VRK2: variants seen among roughly 807,000 people sequenced by gnomAD.
VRK2 encodes the protein VRK serine/threonine kinase 2.
Under a neutral mutation model 57.6 loss-of-function variants are expected in VRK2, and 60 were observed. The ratio of observed to expected loss-of-function variants is 1.04; its 90% CI spans 0.85 to 1.29. VRK2 has a LOEUF of 1.29. VRK2 is among the 50% of genes most tolerant of loss of function. The pLI is 0.00. For missense variants in VRK2, 705 were observed against 588.1 expected (o/e 1.20, Z -2.06); for synonymous variants, 231 against 199.2 (o/e 1.16, Z -1.35).
chr2:57,912,963 T>C (rs1245593774), intron 1 of VRK2, among the ~76,000 whole-genome samples: 2 of 152,168 alleles, frequency 1.3e-5, no homozygotes, highest in East Asian at 1.9e-4. Flanking sequence ...CTTTCCACCA[T>C]GTGAGGACAC....
chr2:58,062,742 A>G (rs1677535660), intron 2 of VRK2, among the ~76,000 whole-genome samples: 1 of 152,062 alleles, frequency 6.6e-6, no homozygotes, highest in Non-Finnish European at 1.5e-5. Flanking sequence ...AAGCTAGCAA[A>G]GGTTGGTTCA....
chr2:58,016,393 C>T (rs373628842), intron 1 of VRK2, among the ~76,000 whole-genome samples: 25 of 151,280 alleles, frequency 1.7e-4, no homozygotes, highest in Non-Finnish European at 2.6e-4. Flanking sequence ...GTCTCCCAGG[C>T]GGGAATGCAG....
Position 58,105,475 on chromosome 2 carries a change from G to A in VRK2, c.543+15752G>A, listed in dbSNP as rs1029010728. On this transcript the variant is annotated intron_variant, in intron 7 of 12. Coordinates refer to ENST00000340157, the MANE Select transcript of VRK2 (RefSeq NM_006296.7). ...CAACATCACTAATCATCAGAGAAAT[G>A]CAAATTAAAACCAACTGAGATATCA... 7.9e-5 allele frequency among the ~76,000 whole-genome samples: 12 copies of A among 151,984 alleles called. No homozygotes were observed. In the East Asian group the frequency reaches 1.4e-3, roughly 17 times the overall value.
chr2:58,039,642 G>A (rs1312532725), intron 3 of VRK2, among the ~76,000 whole-genome samples: 3 of 152,078 alleles, frequency 2.0e-5, no homozygotes, highest in Non-Finnish European at 4.4e-5. Flanking sequence ...CTGATGACTG[G>A]AGAGGGGGAA....
chr2:57,971,939 T>C (rs1004377932), intron 1 of VRK2, among the ~76,000 whole-genome samples: 3 of 151,932 alleles, frequency 2.0e-5, no homozygotes, highest in Non-Finnish European at 2.9e-5. Flanking sequence ...ATTTCATGTA[T>C]CCAACTCATT....
At chr2:57,984,401 A>C (rs1672529771) in intron 1 of VRK2, among the ~76,000 whole-genome samples, 1 of 152,154 alleles carries the variant, frequency 6.6e-6, no homozygotes. Flanking sequence ...CTCAGTGACC[A>C]AGTAGGTCAT....
In VRK2 at chr2:58,120,106, A is replaced by G. The variant is rs574869495; in HGVS notation, c.544-2995A>G. Among the ~76,000 whole-genome samples the G allele has an allele frequency of 1.1e-3, 161 of 150,932 alleles. 1 individual carries two copies. The Middle Eastern group carries it at 0.014, about 13-fold the overall frequency. ...AAATGTTTTTAGGTCTGAAATACTC[A>G]TGGACTGAAACAGTCAGTAAATAGC... On this transcript the variant is annotated intron_variant, in intron 7 of 12. Coordinates refer to ENST00000340157, the MANE Select transcript of VRK2 (RefSeq NM_006296.7).
At chr2:58,097,803 G>A (rs1673371760) in intron 7 of VRK2, among the ~76,000 whole-genome samples, 1 of 151,910 alleles carries the variant, frequency 6.6e-6, no homozygotes, top group Admixed American at 6.6e-5. Context: ...ACACTATATA[G>A]TACTTGATAA....
chr2:58,131,076 A>T (rs1455488241), intron 8 of VRK2, among the ~76,000 whole-genome samples: 1 of 151,998 alleles, frequency 6.6e-6, no homozygotes, highest in Non-Finnish European at 1.5e-5. Flanking sequence ...AAGGCATCTT[A>T]TTCTAAATTT....
At chr2:57,959,854 G>C (rs1671702486) in intron 1 of VRK2, among the ~76,000 whole-genome samples, 1 of 152,080 alleles carries the variant, frequency 6.6e-6, no homozygotes, top group East Asian at 1.9e-4. Context: ...GTTTTCGGTG[G>C]ATGTGTTCCT....
At chr2:58,156,191 A>G (rs528973857) in intron 12 of VRK2, among the ~76,000 whole-genome samples, 2 of 152,266 alleles carry the variant, frequency 1.3e-5, no homozygotes, top group Non-Finnish European at 2.9e-5. Context: ...CTATTCTTTC[A>G]GAACTTTAAA....
intron 1 of VRK2, among the ~76,000 whole-genome samples, chr2:57,995,569 G>A: frequency 6.6e-6 from 1 of 152,048 alleles, no homozygotes; most frequent in East Asian, 1.9e-4. Context: ...AAAATGATAT[G>A]CCGTGAAAAA....
chr2:58,025,058 C>A (rs767017532), intron 1 of VRK2, among the ~76,000 whole-genome samples: 2 of 152,120 alleles, frequency 1.3e-5, no homozygotes, highest in Non-Finnish European at 2.9e-5. Context: ...TTAGTTGAGC[C>A]ATCCTTGTCC....
chr2:57,986,745 C>T (rs1030049491), intron 1 of VRK2, among the ~76,000 whole-genome samples: 5 of 151,852 alleles, frequency 3.3e-5, no homozygotes, highest in African/African-American at 4.8e-5. Flanking sequence ...ATTACAGGTG[C>T]GCACCACCAC....
rs1573155098 is a variant in VRK2, at chr2:58,109,877, A to G, written c.544-13224A>G. On this transcript the variant is annotated intron_variant, in intron 7 of 12. Coordinates refer to ENST00000340157, the MANE Select transcript of VRK2 (RefSeq NM_006296.7). ...TTTCTGTATGTAAATATATATATAT[A>G]TTTGGAGATGGGGTCTTACTCTGTT... 3.3e-5 allele frequency among the ~76,000 whole-genome samples: 5 copies of G among 152,222 alleles called. No homozygotes were observed. The South Asian group carries it at 1.0e-3, about 32-fold the overall frequency.
chr2:58,123,005 G>A (rs780012305), intron 7 of VRK2, 96 bp from the exon 8 acceptor site: 4 of 1,431,472 alleles, frequency 2.8e-6, no homozygotes, highest in Non-Finnish European at 3.7e-6. Context: ...TAGATCTGAG[G>A]CTGTTCTTAA....
intron 1 of VRK2, among the ~76,000 whole-genome samples, chr2:57,911,880 A>G (rs553321743): frequency 7.9e-5 from 12 of 152,334 alleles, no homozygotes; most frequent in Non-Finnish European, 1.5e-4. Flanking sequence ...CAATTGATAC[A>G]TTATGTATAA....
intron 2 of VRK2, among the ~76,000 whole-genome samples, chr2:58,051,536 TGAAGA>T (rs888026709): frequency 2.0e-5 from 3 of 152,216 alleles, no homozygotes; most frequent in African/African-American, 7.2e-5. Context: ...TCTATATAAA[TGAAGA>T]GAAGAAGCAG....
chr2:57,977,146 T>C (rs1672276950), intron 1 of VRK2, among the ~76,000 whole-genome samples: 1 of 152,176 alleles, frequency 6.6e-6, no homozygotes, highest in African/African-American at 2.4e-5. Context: ...TCAGGTAGTG[T>C]GATGCCTCTG....
Sources: gnomAD v4.1 joint callset for allele counts (sites outside exome capture counted in the v4.1 genomes callset) on GRCh38, gnomAD v4.1.1 for gene constraint, MANE v1.5 for transcripts, NCBI Gene and HGNC (gene_info 2026-07-23, HGNC 2026-07-21) for gene names.